The following BTD variants were observed in gnomAD, a reference collection of about 807,000 sequenced individuals.
The protein encoded by BTD is biocytinase.
A neutral mutation model predicts 17.7 loss-of-function variants in BTD; 13 were observed. The ratio of observed to expected loss-of-function variants is 0.74; its 90% CI spans 0.48 to 1.17. The LOEUF (loss-of-function observed/expected upper bound fraction) is 1.17, where lower values mean the gene tolerates loss of function less well. BTD is among the 50% of genes most tolerant of loss of function. The pLI is 0.00. For missense variants in BTD, 674 were observed against 650.4 expected (o/e 1.04, Z -0.39); for synonymous variants, 240 against 245.2 (o/e 0.98, Z 0.20).
chr3:15,652,643 A>C lies in BTD; in HGVS notation c.*7155A>C, dbSNP rs2125531335. On this transcript the variant is annotated 3_prime_UTR_variant, in exon 4 of 4. Coordinates refer to ENST00000643237, the MANE Select transcript of BTD (RefSeq NM_001370658.1). ...AAAATATAAATGTGTGTTGTTTTAA[A>C]ATCCTAGGTTTTGAGGTAATTTATT... Among the ~76,000 whole-genome samples the C allele has an allele frequency of 6.6e-6, 1 of 152,352 alleles. No homozygotes were observed. Among genetic ancestry groups the C allele is most frequent in the Non-Finnish European group, 1.5e-5 (1 of 68,028 alleles).
At chr3:15,710,077 T>C (rs2455832) in exon 4 of BTD, among the ~76,000 whole-genome samples, 108,498 of 150,338 alleles carry the variant, frequency 0.72, 39,378 homozygotes, top group East Asian at 0.93. Flanking sequence ...CTCTATAGTT[T>C]AGGCTAGAGT....
chr3:15,720,462 TTAAC>T (rs1403109506), intron 4 of BTD, among the ~76,000 whole-genome samples: 1 of 152,210 alleles, frequency 6.6e-6, no homozygotes. Flanking sequence ...AAACACAACA[TTAAC>T]TAGGGTTAAA....
chr3:15,645,424 A>G lies in BTD; in HGVS notation c.1508A>G (p.Lys503Arg), dbSNP rs370021134. Residue 503 changes from lysine (K) to arginine (R), a missense_variant, in exon 4 of 4, where the codon AAA (lysine) becomes AGA (arginine). Coordinates refer to ENST00000643237, the MANE Select transcript of BTD (RefSeq NM_001370658.1). ...GWENDHYFLRKSRLSSGLVTA... is the reference protein window; with the variant it reads ...GWENDHYFLRRSRLSSGLVTA... The stretch of plus-strand genomic sequence containing the variant: ...GAGAATGACCACTATTTCCTGAGGA[A>G]AAGTAGGCTGTCCTCTGGGCTGGTG... The G allele has an allele frequency of 6.2e-7, 1 of 1,613,868 alleles. No homozygotes were observed. The highest frequency in any genetic ancestry group is 1.3e-5 in the African/African-American group (1 of 74,928).
chr3:15,644,877 C>G lies in BTD; in HGVS notation c.961C>G (p.Pro321Ala), dbSNP rs1307539855. The G allele has an allele frequency of 6.2e-7, 1 of 1,614,160 alleles. No individual in the cohort carries two copies. The highest frequency in any genetic ancestry group is 1.1e-5 in the South Asian group (1 of 91,064). Residue 321 changes from proline (P) to alanine (A), a missense_variant, in exon 4 of 4, where the codon CCA becomes GCA. By Grantham distance (27) the Pro-to-Ala change is conservative (BLOSUM62 -1). Coordinates refer to ENST00000643237, the MANE Select transcript of BTD (RefSeq NM_001370658.1). ...HLIIAQVAKNPVGLIGAENAT... is the reference protein window; with the variant it reads ...HLIIAQVAKNAVGLIGAENAT... Reference sequence around the variant, plus strand: ...TATAATTGCCCAGGTGGCCAAAAATCCAGTGGGTCTCATTGGTGCAGAGAA... The same window carrying G: ...TATAATTGCCCAGGTGGCCAAAAATGCAGTGGGTCTCATTGGTGCAGAGAA...
At chr3:15,604,446 T>C (rs1438542698) in intron 1 of BTD, among the ~76,000 whole-genome samples, 6 of 152,218 alleles carry the variant, frequency 3.9e-5, no homozygotes, top group Non-Finnish European at 8.8e-5. Context: ...ACCTGACCCA[T>C]GAAACCATTT....
intron 3 of BTD, among the ~76,000 whole-genome samples, chr3:15,683,289 C>G (rs1289530310): frequency 6.6e-6 from 1 of 152,028 alleles, no homozygotes; most frequent in African/African-American, 2.4e-5. Flanking sequence ...AGATATTTTC[C>G]CACTATATTA....
At chr3:15,701,003 G>A (rs546689356) in intron 3 of BTD, among the ~76,000 whole-genome samples, 22 of 152,162 alleles carry the variant, frequency 1.4e-4, no homozygotes, top group South Asian at 1.2e-3. Flanking sequence ...ATTCAAATAC[G>A]TCTACCCAAA....
intron 3 of BTD, chr3:15,690,141 C>T: frequency 6.2e-7 from 1 of 1,609,502 alleles, no homozygotes; most frequent in Non-Finnish European, 8.5e-7. Context: ...TAGGGGTGTT[C>T]TTCCACTACT....
intron 1 of BTD, among the ~76,000 whole-genome samples, chr3:15,615,848 T>C (rs1350021122): frequency 6.6e-6 from 1 of 152,240 alleles, no homozygotes; most frequent in African/African-American, 2.4e-5. Flanking sequence ...TTACCATCTC[T>C]GCAATTTTGC....
At chr3:15,719,384 T>C (rs2073442805) in intron 4 of BTD, among the ~76,000 whole-genome samples, 1 of 152,208 alleles carries the variant, frequency 6.6e-6, no homozygotes, top group South Asian at 2.1e-4. Context: ...TCTGGTTTTC[T>C]TCATACCACC....
At chr3:15,704,493 G>C (rs964854465) in intron 3 of BTD, among the ~76,000 whole-genome samples, 6 of 152,062 alleles carry the variant, frequency 3.9e-5, no homozygotes, top group African/African-American at 1.4e-4. Flanking sequence ...GATGCTGACA[G>C]GGGATTTTTA....
intron 1 of BTD, 30 bp downstream of exon 1, chr3:15,601,924 G>T (rs146042873): frequency 1.7e-4 from 272 of 1,612,432 alleles, no homozygotes; most frequent in Middle Eastern, 4.0e-4. Flanking sequence ...CGGCGCGGAG[G>T]GGGTGTGGTA....
At chr3:15,670,099 G>T in intron 3 of BTD, 1 of 677,202 alleles carries the variant, frequency 1.5e-6, no homozygotes, top group Non-Finnish European at 2.4e-6. Context: ...AGTTCCTTTT[G>T]TAAAACTTGC....
At chr3:15,619,821 C>T (rs1039944675) in intron 1 of BTD, among the ~76,000 whole-genome samples, 10 of 152,232 alleles carry the variant, frequency 6.6e-5, no homozygotes, top group African/African-American at 2.4e-4. Flanking sequence ...AGGAATTTTA[C>T]AGCTGGGCCG....
chr3:15,672,632 C>T (rs2066489674), intron 3 of BTD, among the ~76,000 whole-genome samples: 1 of 152,148 alleles, frequency 6.6e-6, no homozygotes, highest in Non-Finnish European at 1.5e-5. Context: ...TCTAAAGGTG[C>T]CTGCTGCTGT....
intron 3 of BTD, 52 bp downstream of exon 3, chr3:15,642,109 A>T: frequency 6.2e-7 from 1 of 1,609,594 alleles, no homozygotes; most frequent in Non-Finnish European, 8.5e-7. Flanking sequence ...AGGTGATCTA[A>T]GTCAGGGACC....
At chr3:15,697,457 C>A (rs1245609675) in intron 3 of BTD, 1 of 151,966 alleles carries the variant, frequency 6.6e-6, no homozygotes, top group East Asian at 1.9e-4. Flanking sequence ...ACCACCTGTT[C>A]CCCAGGAACT....
At chr3:15,681,641 G>C (rs1431505056) in intron 3 of BTD, among the ~76,000 whole-genome samples, 2 of 152,022 alleles carry the variant, frequency 1.3e-5, no homozygotes, top group Admixed American at 1.3e-4. Flanking sequence ...AACTTAATCA[G>C]CTTAAACTTT....
downstream of BTD, among the ~76,000 whole-genome samples, chr3:15,714,407 C>T (rs753145956): frequency 2.0e-5 from 3 of 151,618 alleles, no homozygotes; most frequent in Non-Finnish European, 4.4e-5. Flanking sequence ...GATACAGCTA[C>T]GTGGTATTTT....
Sources: allele counts gnomAD v4.1 joint callset (sites outside exome capture counted in the v4.1 genomes callset), GRCh38; gene constraint gnomAD v4.1.1; transcripts MANE v1.5; gene names NCBI Gene and HGNC (gene_info 2026-07-23, HGNC 2026-07-21).